ARHGEF3: variants seen among roughly 807,000 people sequenced by gnomAD.
ARHGEF3 encodes 59.8 kDA protein.
A neutral mutation model predicts 63.2 loss-of-function variants in ARHGEF3; 28 were observed. The ratio of observed to expected loss-of-function variants is 0.44; its 90% CI spans 0.33 to 0.61. ARHGEF3 has a LOEUF of 0.61. ARHGEF3 is among the 20% of genes least tolerant of loss of function. The probability of loss-of-function intolerance (pLI) is 0.03; values close to 1 mark genes in which losing one functional copy is unlikely to be tolerated. For synonymous variants in ARHGEF3, 266 were observed against 254.2 expected (o/e 1.05, Z -0.44); for missense variants, 533 against 659.3 (o/e 0.81, Z 2.10).
In ARHGEF3 at chr3:57,037,169, C is replaced by T. The variant is rs578260721; in HGVS notation, c.-27-1993G>A. Among the ~76,000 whole-genome samples, 7 of 152,152 alleles carry T rather than the reference C, an allele frequency of 4.6e-5. No homozygotes were observed. In the East Asian group the frequency reaches 7.7e-4, roughly 17 times the overall value. On this transcript the variant is annotated intron_variant, in intron 1 of 12. Transcript: ENST00000338458. ...CATTATGGAGGGGCCCAGGCTAGGG[C>T]GAGAGTGAAAATGTGGATCCCAGAA...
chr3:56,943,258 T>C (rs1194815258), intron 3 of ARHGEF3, among the ~76,000 whole-genome samples: 1 of 152,184 alleles, frequency 6.6e-6, no homozygotes, highest in Non-Finnish European at 1.5e-5. Flanking sequence ...GCTAAGGCAG[T>C]TGGTGACTTT....
intron 3 of ARHGEF3, among the ~76,000 whole-genome samples, chr3:56,905,702 G>A (rs1001159202): frequency 6.6e-6 from 1 of 152,210 alleles, no homozygotes; most frequent in African/African-American, 2.4e-5. Flanking sequence ...ATAAAAGGTT[G>A]TTCCCCTCCT....
chr3:56,806,757 C>G (rs2037874729), upstream of ARHGEF3, among the ~76,000 whole-genome samples: 2 of 152,226 alleles, frequency 1.3e-5, no homozygotes, highest in South Asian at 4.1e-4. Context: ...ATCCCAGTCC[C>G]ATGACTGGGA....
At chr3:56,957,579 A>C (rs546523530) in intron 3 of ARHGEF3, among the ~76,000 whole-genome samples, 10 of 152,226 alleles carry the variant, frequency 6.6e-5, no homozygotes, top group Non-Finnish European at 1.5e-4. Context: ...TTCATGCCTG[A>C]GTCTTCCAAT....
intron 1 of ARHGEF3, among the ~76,000 whole-genome samples, chr3:57,063,539 A>G (rs985613711): frequency 2.6e-5 from 4 of 152,130 alleles, no homozygotes; most frequent in African/African-American, 9.7e-5. Flanking sequence ...AGTGAAGAGA[A>G]GAGAGATACA....
chr3:57,006,171 C>T (rs1702459352), intron 2 of ARHGEF3, among the ~76,000 whole-genome samples: 1 of 152,202 alleles, frequency 6.6e-6, no homozygotes, highest in Non-Finnish European at 1.5e-5. Context: ...GTTCCCTGTT[C>T]CCTGGAGCCA....
chr3:56,800,408 C>T (rs2037580752), intron 1 of ARHGEF3, among the ~76,000 whole-genome samples: 1 of 152,194 alleles, frequency 6.6e-6, no homozygotes, highest in Non-Finnish European at 1.5e-5. Flanking sequence ...TTCACAGCTG[C>T]TGGCAACAAA....
intron 2 of ARHGEF3, among the ~76,000 whole-genome samples, chr3:57,018,461 T>G (rs1458977847): frequency 6.6e-6 from 1 of 152,166 alleles, no homozygotes; most frequent in Non-Finnish European, 1.5e-5. Flanking sequence ...TAGCCTCATT[T>G]TACATGCAAG....
chr3:56,910,771 T>C (rs2041833583), intron 3 of ARHGEF3, among the ~76,000 whole-genome samples: 1 of 152,218 alleles, frequency 6.6e-6, no homozygotes, highest in Admixed American at 6.5e-5. Flanking sequence ...ATTTCAAGTC[T>C]CTTTTTCCTA....
At chr3:56,743,895 C>T (rs1486770824) in intron 7 of ARHGEF3, among the ~76,000 whole-genome samples, 1 of 152,090 alleles carries the variant, frequency 6.6e-6, no homozygotes, top group African/African-American at 2.4e-5. Context: ...TCTTCCTCCT[C>T]AGTCCCTTGT....
At chr3:57,013,397 C>T (rs937308273) in intron 2 of ARHGEF3, among the ~76,000 whole-genome samples, 2 of 152,214 alleles carry the variant, frequency 1.3e-5, no homozygotes, top group South Asian at 4.1e-4. Flanking sequence ...CCAATCAGCA[C>T]TTTGTGTCTA....
intron 3 of ARHGEF3, among the ~76,000 whole-genome samples, chr3:56,957,766 T>A (rs1384122647): frequency 2.6e-5 from 4 of 152,084 alleles, no homozygotes; most frequent in African/African-American, 9.7e-5. Flanking sequence ...AGGAGTGTGG[T>A]GCTAGGCAAA....
intron 6 of ARHGEF3, among the ~76,000 whole-genome samples, chr3:56,749,299 C>T (rs1231014985): frequency 1.3e-5 from 2 of 152,210 alleles, no homozygotes; most frequent in Non-Finnish European, 1.5e-5. Flanking sequence ...TGCAAAGCTG[C>T]TCCCAGATCA....
At chr3:56,810,743 C>A (rs2038033443) in intron 4 of ARHGEF3, among the ~76,000 whole-genome samples, 1 of 152,168 alleles carries the variant, frequency 6.6e-6, no homozygotes, top group South Asian at 2.1e-4. Context: ...CCAGAGACCA[C>A]CTGCTGTGAA....
chr3:57,057,731 T>C (rs966322520), intron 1 of ARHGEF3, among the ~76,000 whole-genome samples: 2 of 152,178 alleles, frequency 1.3e-5, no homozygotes. Flanking sequence ...TCATTCCTAA[T>C]ATTATTTCTT....
At chr3:56,883,681 C>T (rs10049269) in intron 3 of ARHGEF3, among the ~76,000 whole-genome samples, 145 of 152,252 alleles carry the variant, frequency 9.5e-4, no homozygotes, top group African/African-American at 3.3e-3. Context: ...TCTTCTGCAC[C>T]CCCAGCTCAA....
In ARHGEF3 at chr3:57,074,380, C is replaced by T. The variant is rs532585189; in HGVS notation, c.-28+4846G>A. On this transcript the variant is annotated intron_variant, in intron 1 of 12. Coordinates refer to the ARHGEF3 transcript ENST00000338458. ...CCCACCAGGGGTGACTCGTAGCCAT[C>T]CCTTTCTGCATCTTCTTAGATATCA... 1.6e-5 allele frequency: 14 copies of T among 880,878 alleles called. No individual in the cohort carries two copies. In the African/African-American group the frequency reaches 2.2e-4, roughly 14 times the overall value. 54.6% of individuals were successfully genotyped at this position (880,878 alleles called of 1,614,324 possible). A position where few individuals can be genotyped will look rare whatever the true frequency, so the allele number is the denominator to read the frequency against.
intron 2 of ARHGEF3, among the ~76,000 whole-genome samples, chr3:57,007,704 T>C (rs1192954131): frequency 6.6e-6 from 1 of 152,208 alleles, no homozygotes; most frequent in East Asian, 1.9e-4. Flanking sequence ...CAACTGCTCC[T>C]GGATCCTGAT....
At chr3:56,960,185 C>T (rs1700219192) in intron 2 of ARHGEF3, among the ~76,000 whole-genome samples, 1 of 152,084 alleles carries the variant, frequency 6.6e-6, no homozygotes, top group African/African-American at 2.4e-5. Context: ...AGCAACTAAC[C>T]AATACTGAGC....
Sources: gnomAD v4.1 joint callset for allele counts (sites outside exome capture counted in the v4.1 genomes callset) on GRCh38, gnomAD v4.1.1 for gene constraint, MANE v1.5 for transcripts, NCBI Gene and HGNC (gene_info 2026-07-23, HGNC 2026-07-21) for gene names.